Variants in TBC1D9B observed in about 807,000 individuals in gnomAD.
The protein encoded by TBC1D9B is TBC1 domain family, member 9B (with GRAM domain).
TBC1D9B carries 87 observed loss-of-function variants against 121.1 expected under a neutral mutation model. The observed-to-expected ratio is 0.72, with a 90% CI of 0.60 to 0.86. The LOEUF is 0.86. TBC1D9B is among the 40% of genes least tolerant of loss of function. The probability of loss-of-function intolerance (pLI) is 0.00; values close to 1 mark genes in which losing one functional copy is unlikely to be tolerated. For synonymous variants in TBC1D9B, 668 were observed against 670.1 expected (o/e 1.00, Z 0.05); for missense variants, 1,540 against 1,628.6 (o/e 0.95, Z 0.94).
chr5:179,878,841 C>T (rs1760442040), intron 9 of TBC1D9B, among the ~76,000 whole-genome samples: 1 of 152,166 alleles, frequency 6.6e-6, no homozygotes, highest in African/African-American at 2.4e-5. Flanking sequence ...AGTGCCCATT[C>T]CCCAGCCTCT....
At chr5:179,879,507 G>A in intron 8 of TBC1D9B, 121 bp downstream of exon 8, 1 of 1,460,034 alleles carries the variant, frequency 6.8e-7, no homozygotes, top group South Asian at 1.2e-5. Context: ...AGCCTGGGTG[G>A]GCACTGCCCA....
At chr5:179,866,073 CA>C in intron 18 of TBC1D9B, 185 bp from the exon 19 acceptor site, 1 of 625,426 alleles carries the variant, frequency 1.6e-6, no homozygotes. Flanking sequence ...GGCACCAGAG[CA>C]AAAGGGCCTG....
chr5:179,882,248 T>C (rs968147553), intron 7 of TBC1D9B, among the ~76,000 whole-genome samples: 2 of 152,214 alleles, frequency 1.3e-5, no homozygotes, highest in Admixed American at 6.5e-5. Context: ...CCCAGCCTCA[T>C]ATACCTCCCT....
rs566003664 is a variant in TBC1D9B, at chr5:179,874,756, C to T, written c.2186+146G>A. On this transcript the variant is annotated intron_variant, in intron 12 of 20. Coordinates refer to ENST00000355235, the MANE Select transcript of TBC1D9B (RefSeq NM_015043.4). The surrounding 1 kb of genome is among the most constrained non-coding windows in gnomAD (Gnocchi z 4.3). ...GCTTCATCTCCCACTAGAAAGGAGC[C>T]GCCTCCTGACCCCAGAGCACCCCCG... is the stretch of plus-strand genomic sequence containing the variant. 23 of 1,173,036 alleles carry T rather than the reference C, an allele frequency of 2.0e-5. No homozygotes were observed. The highest frequency in any genetic ancestry group is 1.7e-4 in the African/African-American group (11 of 64,864). The allele number at this position is 1,173,036 out of a possible 1,614,324, so 72.7% of individuals were successfully genotyped here. A position where few individuals can be genotyped will look rare whatever the true frequency, so the allele number is the denominator to read the frequency against.
At chr5:179,871,733 C>T (rs1183232310) in intron 14 of TBC1D9B, 4 of 538,218 alleles carry the variant, frequency 7.4e-6, no homozygotes. Flanking sequence ...TCAGCTCACA[C>T]TCCGGGCTCC....
chr5:179,875,707 A>G lies in TBC1D9B; in HGVS notation c.1900+213T>C, dbSNP rs965677337. 2.0e-5 allele frequency among the ~76,000 whole-genome samples: 3 copies of G among 152,234 alleles called. No individual in the cohort carries two copies. Among genetic ancestry groups the G allele is most frequent in the Non-Finnish European group, 4.4e-5 (3 of 68,044 alleles). ...ATATACTCTCTAGTTTTGATGTTTG[A>G]AATTTTCCATAATCAAAAAGTTGAC... On this transcript the variant is annotated intron_variant, in intron 11 of 20. Transcript: ENST00000355235. This position sits in a 1 kb window ranked among gnomAD's most constrained non-coding sequence, Gnocchi z 4.5.
intron 1 of TBC1D9B, among the ~76,000 whole-genome samples, chr5:179,905,227 G>GA (rs1304076560): frequency 6.6e-6 from 1 of 152,160 alleles, no homozygotes; most frequent in Non-Finnish European, 1.5e-5. Context: ...ACAAAATCCA[G>GA]AAAACCAACA....
At chr5:179,879,966 T>C in intron 7 of TBC1D9B, 177 bp from the exon 8 acceptor site, 1 of 703,530 alleles carries the variant, frequency 1.4e-6, no homozygotes, top group Non-Finnish European at 2.3e-6. Flanking sequence ...AGCTCAGCCC[T>C]CAGCTCCTCT....
At position 179,870,507 on chromosome 5, in the gene TBC1D9B, G is replaced by T; in HGVS notation, c.2485-12C>A. The stretch of plus-strand genomic sequence containing the variant: ...GCCAGGTGCTTGGCCTGTGGGACAC[G>T]GTCTGGTGAGACGGTCCAGCCGCTA... On this transcript the variant is annotated splice_polypyrimidine_tract_variant and intron_variant, in intron 15 of 20. Coordinates refer to ENST00000355235, the MANE Select transcript of TBC1D9B (RefSeq NM_015043.4). 6.2e-7 allele frequency: 1 copy of T among 1,600,136 alleles called. No individual in the cohort carries two copies.
rs555690909 is a variant in TBC1D9B, at chr5:179,871,807, G to A, written c.2416-277C>T. 2.3e-3 allele frequency: 684 copies of A among 302,612 alleles called. 1 individual carries two copies. Among genetic ancestry groups the A allele is most frequent in the African/African-American group, 0.015 (639 of 42,710 alleles). The allele number at this position is 302,612 out of a possible 1,614,324, so 18.7% of individuals were successfully genotyped here. A position where few individuals can be genotyped will look rare whatever the true frequency, so the allele number is the denominator to read the frequency against. On this transcript the variant is annotated intron_variant, in intron 14 of 20. Coordinates refer to ENST00000355235, the MANE Select transcript of TBC1D9B (RefSeq NM_015043.4). ...CCGGGCCCCTTCCCAGGATGGGCGT[G>A]GGGGAGCCTCTCTCTCACACTCCGG...
In TBC1D9B at chr5:179,888,289, G is replaced by A; in HGVS notation, c.1068C>T (p.Asp356=). Residue 356 remains aspartate (D), a synonymous_variant, in exon 7 of 21, where the codon GAC becomes GAT. Transcript: ENST00000355235. The part of the protein sequence containing the change: ...LREVTIVEKA[D]SSSVLPSPLS... ...GGGGGCTGGGCAGCACGCTGGAGCT[G>A]TCAGCTTTTTCGACAATGGTCACCT... 2 of 1,610,308 alleles carry A rather than the reference G, an allele frequency of 1.2e-6. No individual in the cohort carries two copies. The highest frequency in any genetic ancestry group is 2.2e-5 in the South Asian group (2 of 90,590).
rs1003080514 is a variant in TBC1D9B at position 179,891,523 on chromosome 5, C to T, written c.900G>A (p.Glu300=). 6.2e-7 allele frequency: 1 copy of T among 1,614,082 alleles called. No individual in the cohort carries two copies. The highest frequency in any genetic ancestry group is 1.7e-4 in the Middle Eastern group (1 of 6,034). The stretch of plus-strand genomic sequence containing the variant: ...TGCAGCTTGTGTGGCCGTCTAGCCG[C>T]TCATCCCTGGGCAGCCGGAACGTGG... ...YRATFRLPRD[E]RLDGHTSCTL... Residue 300 remains glutamate, a synonymous_variant, in exon 6 of 21, where the codon GAG becomes GAA. Coordinates refer to ENST00000355235, the MANE Select transcript of TBC1D9B (RefSeq NM_015043.4). The surrounding 1 kb of genome is among the most constrained non-coding windows in gnomAD (Gnocchi z 4.3).
chr5:179,885,223 A>T lies in TBC1D9B; in HGVS notation c.1254+2880T>A. Among the ~76,000 whole-genome samples the T allele has an allele frequency of 6.6e-6, 1 of 152,216 alleles. No homozygotes were observed. The highest frequency in any genetic ancestry group is 1.9e-4 in the East Asian group (1 of 5,200). ...TAAAGTCCTAAAGTAAATTATTGAG[A>T]TTAATTTTAACAATATATTTGACTT... On this transcript the variant is annotated intron_variant, in intron 7 of 20. Coordinates refer to ENST00000355235, the MANE Select transcript of TBC1D9B (RefSeq NM_015043.4). This position sits in a 1 kb window ranked among gnomAD's most constrained non-coding sequence, Gnocchi z 4.5.
intron 8 of TBC1D9B, 103 bp downstream of exon 8, chr5:179,879,525 G>C: frequency 6.4e-7 from 1 of 1,563,524 alleles, no homozygotes; most frequent in Non-Finnish European, 8.8e-7. Context: ...CCAGCGGTCA[G>C]CCCAGGGCCC....
intron 3 of TBC1D9B, among the ~76,000 whole-genome samples, chr5:179,897,790 T>C (rs192536247): frequency 6.6e-6 from 1 of 152,390 alleles, no homozygotes; most frequent in East Asian, 1.9e-4. Context: ...GGCTTGCTTC[T>C]GCTCTCTCCA....
chr5:179,873,339 T>C, intron 12 of TBC1D9B, 91 bp from the exon 13 acceptor site: 1 of 1,452,164 alleles, frequency 6.9e-7, no homozygotes, highest in Non-Finnish European at 9.1e-7. Context: ...ACCCAATCTT[T>C]ATGCAGACTC....
At chr5:179,906,308 T>C (rs1379941935) in intron 1 of TBC1D9B, among the ~76,000 whole-genome samples, 4 of 152,000 alleles carry the variant, frequency 2.6e-5, no homozygotes, top group African/African-American at 7.3e-5. Context: ...AAAGAAGGGT[T>C]CCCTTGGGGG....
In TBC1D9B at chr5:179,863,465, G is replaced by C; in HGVS notation, c.3685C>G (p.Pro1229Ala). The C allele has an allele frequency of 1.2e-6, 2 of 1,613,846 alleles. No individual in the cohort carries two copies. Among genetic ancestry groups the C allele is most frequent in the South Asian group, 2.2e-5 (2 of 91,058 alleles). The stretch of plus-strand genomic sequence containing the variant: ...TGCAGGCATCAGCCGGAAACTCCAG[G>C]CTGCTCATGGTCACTGGCGGTGCTG... ...QFSTASDHEQ[P>A]GVSG Residue 1229 changes from proline to alanine, a missense_variant, in exon 21 of 21, where the codon CCT (proline) becomes GCT (alanine). Pro to Ala is a conservative substitution (Grantham distance 27, BLOSUM62 -1). Coordinates refer to ENST00000355235, the MANE Select transcript of TBC1D9B (RefSeq NM_015043.4). The surrounding 1 kb of genome is among the most constrained non-coding windows in gnomAD (Gnocchi z 4.5).
Position 179,875,282 on chromosome 5 carries a change from G to T in TBC1D9B, c.1901-95C>A. The T allele has an allele frequency of 6.9e-7, 1 of 1,457,004 alleles. No individual in the cohort carries two copies. Among genetic ancestry groups the T allele is most frequent in the South Asian group, 1.3e-5 (1 of 74,606 alleles). 90.3% of individuals were successfully genotyped at this position (1,457,004 alleles called of 1,614,324 possible). A position where few individuals can be genotyped will look rare whatever the true frequency, so the allele number is the denominator to read the frequency against. ...TACGAGCCCTGGCCACTCCAGCCCT[G>T]CCAGCTGTGCAGTGAGGGCTGAGGG... is the stretch of plus-strand genomic sequence containing the variant. On this transcript the variant is annotated intron_variant, in intron 11 of 20. Transcript: ENST00000355235. The surrounding 1 kb of genome is among the most constrained non-coding windows in gnomAD (Gnocchi z 4.5).
Sources: allele counts gnomAD v4.1 joint callset (sites outside exome capture counted in the v4.1 genomes callset), GRCh38; gene constraint gnomAD v4.1.1; non-coding constraint Gnocchi (gnomAD v3.1); transcripts MANE v1.5; gene names NCBI Gene and HGNC (gene_info 2026-07-23, HGNC 2026-07-21).